Variants in CEP162 observed in about 807,000 individuals in gnomAD.
CEP162 encodes centrosomal protein of 162 kDa.
Under a neutral mutation model 169.2 loss-of-function variants are expected in CEP162, and 141 were observed. The observed-to-expected ratio is 0.83, with a 90% CI of 0.73 to 0.96. CEP162 has a LOEUF of 0.96. CEP162 is among the 40% of genes least tolerant of loss of function. The pLI is 0.00. For missense variants in CEP162, 1,600 were observed against 1,587.2 expected (o/e 1.01, Z -0.14); for synonymous variants, 540 against 526.4 (o/e 1.03, Z -0.35).
chr6:84,182,877 A>G (rs2099535521), intron 13 of CEP162, among the ~76,000 whole-genome samples: 1 of 152,072 alleles, frequency 6.6e-6, no homozygotes, highest in Non-Finnish European at 1.5e-5. Context: ...ATCCTAACCA[A>G]TGTTGATTTT....
intron 18 of CEP162, among the ~76,000 whole-genome samples, chr6:84,168,043 A>AT (rs201265367): frequency 1.3e-5 from 2 of 151,612 alleles, no homozygotes; most frequent in African/African-American, 2.4e-5. Context: ...TATTTATTAT[A>AT]TTTTTTTTCC....
At chr6:84,151,479 A>G (rs1403662261) in intron 23 of CEP162, among the ~76,000 whole-genome samples, 1 of 152,086 alleles carries the variant, frequency 6.6e-6, no homozygotes, top group African/African-American at 2.4e-5. Context: ...AGGAAACTTG[A>G]GGTATTAGTG....
chr6:84,219,817 C>G (rs1443541370), intron 3 of CEP162, among the ~76,000 whole-genome samples: 1 of 152,114 alleles, frequency 6.6e-6, no homozygotes, highest in Non-Finnish European at 1.5e-5. Flanking sequence ...CGCAAAGCTC[C>G]CAACCGCAGG....
chr6:84,185,376 T>C lies in CEP162; in HGVS notation c.1474A>G (p.Arg492Gly), dbSNP rs1466389197. Residue 492 changes from arginine (R) to glycine (G), a missense_variant, in exon 13 of 27, where the codon AGA (arginine) becomes GGA (glycine). Coordinates refer to ENST00000403245, the MANE Select transcript of CEP162 (RefSeq NM_014895.4). ...MGKQVPYKKARSAPPLLKRKP... is the reference protein window; with the variant it reads ...MGKQVPYKKAGSAPPLLKRKP... ...CTTTTAAGTAAAGGAGGTGCACTTCTGGCCTTCTTGTATGGTACCTGTTTA... is the reference window on the plus strand; with the variant it reads ...CTTTTAAGTAAAGGAGGTGCACTTCCGGCCTTCTTGTATGGTACCTGTTTA... 2 of 1,613,544 alleles carry C rather than the reference T, an allele frequency of 1.2e-6. No individual in the cohort carries two copies. Among genetic ancestry groups the C allele is most frequent in the Non-Finnish European group, 1.7e-6 (2 of 1,179,622 alleles).
At chr6:84,204,650 A>G (rs967624400) in intron 6 of CEP162, among the ~76,000 whole-genome samples, 1 of 152,240 alleles carries the variant, frequency 6.6e-6, no homozygotes, top group Non-Finnish European at 1.5e-5. Flanking sequence ...TCGACACCCT[A>G]ACATCACAAT....
chr6:84,147,884 A>T (rs1281171987), intron 24 of CEP162, among the ~76,000 whole-genome samples: 1 of 152,184 alleles, frequency 6.6e-6, no homozygotes, highest in African/African-American at 2.4e-5. Context: ...CAAGAAACTA[A>T]GAGAAATTGG....
At chr6:84,227,405 C>A (rs2099556168) in intron 1 of CEP162, among the ~76,000 whole-genome samples, 175 bp downstream of exon 1, 1 of 152,168 alleles carries the variant, frequency 6.6e-6, no homozygotes, top group African/African-American at 2.4e-5. Context: ...GCTGCGACCC[C>A]GTCCCCAGAA....
chr6:84,205,338 G>A (rs1588872328), intron 6 of CEP162, among the ~76,000 whole-genome samples: 1 of 152,238 alleles, frequency 6.6e-6, no homozygotes, highest in East Asian at 1.9e-4. Flanking sequence ...CTGGCAAACC[G>A]AATCTAGCAG....
intron 8 of CEP162, among the ~76,000 whole-genome samples, chr6:84,201,184 A>G (rs2099544320): frequency 6.6e-6 from 1 of 152,178 alleles, no homozygotes; most frequent in Admixed American, 6.5e-5. Flanking sequence ...AAGCTGAGGC[A>G]GGAGAATAGT....
intron 3 of CEP162, among the ~76,000 whole-genome samples, chr6:84,217,564 G>A (rs1226278595): frequency 6.6e-6 from 1 of 152,224 alleles, no homozygotes; most frequent in Non-Finnish European, 1.5e-5. Context: ...GGTAGTCTAA[G>A]TTGGGAGGCC....
chr6:84,153,859 A>G (rs1219847621), intron 22 of CEP162, among the ~76,000 whole-genome samples: 1 of 152,172 alleles, frequency 6.6e-6, no homozygotes, highest in Non-Finnish European at 1.5e-5. Context: ...AGCAGCTACA[A>G]CGTCCCACAA....
chr6:84,126,777 T>G (rs1225595632), intron 25 of CEP162, among the ~76,000 whole-genome samples: 2 of 152,146 alleles, frequency 1.3e-5, no homozygotes, highest in African/African-American at 2.4e-5. Context: ...GAGCTGAAAA[T>G]GAAGTTGGCA....
At chr6:84,155,969 G>A (rs779308129) in intron 21 of CEP162, among the ~76,000 whole-genome samples, 1 of 152,138 alleles carries the variant, frequency 6.6e-6, no homozygotes, top group Non-Finnish European at 1.5e-5. Flanking sequence ...CACACTACCT[G>A]ACTTCAAATT....
At chr6:84,155,029 T>G (rs577142386) in intron 22 of CEP162, among the ~76,000 whole-genome samples, 1 of 152,268 alleles carries the variant, frequency 6.6e-6, no homozygotes, top group South Asian at 2.1e-4. Flanking sequence ...TTATTCTGCT[T>G]TTTCATGACT....
chr6:84,163,135 G>A lies in CEP162; in HGVS notation c.2512+9C>T, dbSNP rs2099526435. 2 of 1,612,868 alleles carry A rather than the reference G, an allele frequency of 1.2e-6. No individual in the cohort carries two copies. The highest frequency in any genetic ancestry group is 1.1e-5 in the South Asian group (1 of 90,984). On this transcript the variant is annotated intron_variant, in intron 19 of 26. Transcript: ENST00000403245. ...TATAAAGGTACACTGTTTCAGCTCA[G>A]TGTTTTACCTGTGACATAAGCAATC...
At chr6:84,221,457 C>T (rs766521889) in intron 2 of CEP162, among the ~76,000 whole-genome samples, 1 of 151,876 alleles carries the variant, frequency 6.6e-6, no homozygotes, top group Admixed American at 6.6e-5. Flanking sequence ...AAAGAAAAAA[C>T]GGGAGGATAC....
At chr6:84,206,675 C>G (rs1360547387) in intron 6 of CEP162, among the ~76,000 whole-genome samples, 1 of 152,156 alleles carries the variant, frequency 6.6e-6, no homozygotes, top group East Asian at 1.9e-4. Flanking sequence ...GACTTCATGT[C>G]TAAAACACCA....
chr6:84,214,401 C>A (rs944037860), intron 5 of CEP162, among the ~76,000 whole-genome samples: 9 of 152,268 alleles, frequency 5.9e-5, no homozygotes, highest in African/African-American at 1.9e-4. Flanking sequence ...GCATGGGGAA[C>A]CAATGCGAAC....
chr6:84,176,572 C>T (rs2099532503), intron 13 of CEP162, among the ~76,000 whole-genome samples: 1 of 152,192 alleles, frequency 6.6e-6, no homozygotes, highest in Non-Finnish European at 1.5e-5. Flanking sequence ...ATCCAAAATC[C>T]AAACTGCTCT....
Sources: allele counts gnomAD v4.1 joint callset (sites outside exome capture counted in the v4.1 genomes callset), GRCh38; gene constraint gnomAD v4.1.1; transcripts MANE v1.5; gene names NCBI Gene and HGNC (gene_info 2026-07-23, HGNC 2026-07-21).